The following AKAP19 variants were observed in gnomAD, a reference collection of about 807,000 sequenced individuals.
The protein encoded by AKAP19 is A-kinase anchoring protein 19, also known as small A-kinase anchoring protein.
the AKAP19 span, among the ~76,000 whole-genome samples, chr2:190,121,789 G>C: frequency 6.6e-6 from 1 of 152,202 alleles, no homozygotes. Context: ...CCCAAGAAAA[G>C]CAATGGAAAC....
At chr2:190,057,706 G>C in the AKAP19 span, 1 of 1,535,228 alleles carries the variant, frequency 6.5e-7, no homozygotes, top group Non-Finnish European at 9.0e-7. Flanking sequence ...CCTACCTTAA[G>C]AAGTTATTGT....
chr2:190,112,118 T>C, the AKAP19 span, among the ~76,000 whole-genome samples: 6 of 152,304 alleles, frequency 3.9e-5, no homozygotes, highest in African/African-American at 1.4e-4. Context: ...AGGATCAACA[T>C]CATGTTTTAA....
chr2:189,946,975 G>A, the AKAP19 span, among the ~76,000 whole-genome samples: 1 of 152,138 alleles, frequency 6.6e-6, no homozygotes, highest in African/African-American at 2.4e-5. Context: ...TCAAATCTCA[G>A]CTTTGTCACT....
chr2:189,904,960 C>A, the AKAP19 span, among the ~76,000 whole-genome samples: 1 of 151,858 alleles, frequency 6.6e-6, no homozygotes, highest in Non-Finnish European at 1.5e-5. Flanking sequence ...TCATTTATTA[C>A]CACTAAGAGA....
At chr2:189,971,125 C>T in the AKAP19 span, among the ~76,000 whole-genome samples, 16 of 152,132 alleles carry the variant, frequency 1.1e-4, no homozygotes, top group Non-Finnish European at 1.8e-4. Flanking sequence ...TAATGCTATC[C>T]CTCCCCACTC....
the AKAP19 span, among the ~76,000 whole-genome samples, chr2:189,938,080 A>G: frequency 6.6e-6 from 1 of 152,200 alleles, no homozygotes; most frequent in African/African-American, 2.4e-5. Flanking sequence ...TCATGCCTAT[A>G]ATCCCAGGAC....
the AKAP19 span, among the ~76,000 whole-genome samples, chr2:189,982,230 G>A: frequency 1.3e-5 from 2 of 151,876 alleles, no homozygotes; most frequent in East Asian, 3.8e-4. Flanking sequence ...CTTTATTTTA[G>A]TGTGGGTTAA....
At chr2:189,889,575 G>A in the AKAP19 span, among the ~76,000 whole-genome samples, 1 of 152,116 alleles carries the variant, frequency 6.6e-6, no homozygotes, top group African/African-American at 2.4e-5. Context: ...TTTTTGGTTG[G>A]TAGGCCATTA....
the AKAP19 span, among the ~76,000 whole-genome samples, chr2:189,900,835 C>A: frequency 6.6e-6 from 1 of 152,130 alleles, no homozygotes; most frequent in Non-Finnish European, 1.5e-5. Context: ...AAGACAGGAG[C>A]TGACTGCAAG....
At chr2:190,028,199 G>T in the AKAP19 span, among the ~76,000 whole-genome samples, 1 of 152,064 alleles carries the variant, frequency 6.6e-6, no homozygotes, top group African/African-American at 2.4e-5. Flanking sequence ...AACATAAAAG[G>T]ATGTTTGTAT....
At chr2:190,006,630 C>G in the AKAP19 span, among the ~76,000 whole-genome samples, 6 of 99,872 alleles carry the variant, frequency 6.0e-5, no homozygotes, top group Non-Finnish European at 1.0e-4. Context: ...CAGAACGAGA[C>G]TCTGTCTCAA....
chr2:190,130,708 A>C, the AKAP19 span, among the ~76,000 whole-genome samples: 3 of 152,230 alleles, frequency 2.0e-5, no homozygotes, highest in African/African-American at 7.2e-5. Context: ...CTCGCTAGCT[A>C]TCAGTTTATT....
At chr2:189,898,324 T>A in the AKAP19 span, among the ~76,000 whole-genome samples, 1 of 152,200 alleles carries the variant, frequency 6.6e-6, no homozygotes, top group Non-Finnish European at 1.5e-5. Context: ...GCCCTTTGTA[T>A]AAACTCATGT....
chr2:190,070,620 C>G, the AKAP19 span, among the ~76,000 whole-genome samples: 19 of 139,758 alleles, frequency 1.4e-4, no homozygotes, highest in Admixed American at 2.8e-4. Flanking sequence ...TCTCTCCCCC[C>G]CCCCTTTTTT....
At chr2:190,082,228 C>G in the AKAP19 span, among the ~76,000 whole-genome samples, 1 of 152,200 alleles carries the variant, frequency 6.6e-6, no homozygotes, top group Admixed American at 6.5e-5. Flanking sequence ...TATGTTTCTC[C>G]TTTCATAAAT....
chr2:190,089,417 A>T, the AKAP19 span: 6 of 150,512 alleles, frequency 4.0e-5, no homozygotes, highest in Admixed American at 1.3e-4. Context: ...AGATTACATT[A>T]AAACAAAACA....
the AKAP19 span, chr2:189,917,428 CTG>C: frequency 3.8e-6 from 3 of 794,094 alleles, no homozygotes; most frequent in African/African-American, 5.3e-5. Flanking sequence ...AAAACCATGT[CTG>C]TTTTTTTTCT....
the AKAP19 span, among the ~76,000 whole-genome samples, chr2:190,183,298 GCTTGAA>G: frequency 6.6e-6 from 1 of 152,176 alleles, no homozygotes; most frequent in African/African-American, 2.4e-5. Context: ...AGTAGATTTT[GCTTGAA>G]CTAATGAATT....
the AKAP19 span, among the ~76,000 whole-genome samples, chr2:189,925,851 C>T: frequency 6.6e-6 from 1 of 151,970 alleles, no homozygotes. Context: ...ATTATCAAAG[C>T]CAGAAGAAAA....
Sources: gnomAD v4.1 joint callset for allele counts (sites outside exome capture counted in the v4.1 genomes callset) on GRCh38, gnomAD v4.1.1 for gene constraint, MANE v1.5 for transcripts, NCBI Gene and HGNC (gene_info 2026-07-23, HGNC 2026-07-21) for gene names.